The following MACROD2 variants were observed in gnomAD, a reference collection of about 807,000 sequenced individuals.
MACROD2 encodes the protein mono-ADP ribosylhydrolase 2.
Under a neutral mutation model 70.4 loss-of-function variants are expected in MACROD2, and 36 were observed. The observed-to-expected ratio is 0.51, with a 90% CI of 0.39 to 0.68. The LOEUF is 0.68. MACROD2 is among the 30% of genes least tolerant of loss of function. The pLI is 0.00. For synonymous variants in MACROD2, 172 were observed against 178.8 expected, an observed-to-expected ratio of 0.96 and a Z score of 0.30; for missense variants, 496 against 538.4, an observed-to-expected ratio of 0.92 and a Z score of 0.78.
At chr20:15,162,137 T>G (rs1195839855) in intron 5 of MACROD2, among the ~76,000 whole-genome samples, 1 of 152,014 alleles carries the variant, frequency 6.6e-6, no homozygotes, top group Non-Finnish European at 1.5e-5. Flanking sequence ...AGCTGAGTAA[T>G]AACGGACATT....
chr20:14,561,280 A>G (rs971309707), intron 4 of MACROD2, among the ~76,000 whole-genome samples: 1 of 151,924 alleles, frequency 6.6e-6, no homozygotes, highest in African/African-American at 2.4e-5. Context: ...TAACCTGATT[A>G]GAAGACTAAC....
chr20:14,817,491 T>A (rs887532077), intron 5 of MACROD2, among the ~76,000 whole-genome samples: 8 of 152,146 alleles, frequency 5.3e-5, no homozygotes, highest in African/African-American at 1.9e-4. Context: ...AATGAAAAGT[T>A]TATTTAGAAC....
At chr20:15,136,080 G>A (rs2076145337) in intron 5 of MACROD2, among the ~76,000 whole-genome samples, 2 of 146,732 alleles carry the variant, frequency 1.4e-5, no homozygotes, top group Non-Finnish European at 3.0e-5. Flanking sequence ...ACAAATGGAA[G>A]AACATTCCAT....
intron 8 of MACROD2, among the ~76,000 whole-genome samples, chr20:15,799,030 C>A (rs1031197326): frequency 3.9e-5 from 6 of 152,096 alleles, no homozygotes; most frequent in Non-Finnish European, 7.4e-5. Context: ...CCTTTAATTT[C>A]TTTTGTGTGT....
intron 13 of MACROD2, among the ~76,000 whole-genome samples, chr20:15,983,677 C>T (rs1374248845): frequency 6.6e-6 from 1 of 152,186 alleles, no homozygotes; most frequent in African/African-American, 2.4e-5. Flanking sequence ...AAAAGAGCTA[C>T]CACGCAGCCT....
At chr20:15,570,729 C>T (rs1433606785) in intron 8 of MACROD2, among the ~76,000 whole-genome samples, 1 of 152,148 alleles carries the variant, frequency 6.6e-6, no homozygotes, top group African/African-American at 2.4e-5. Context: ...GTATTAGAAT[C>T]CTTTCTTGCA....
chr20:14,944,283 G>T (rs77349641), intron 5 of MACROD2, among the ~76,000 whole-genome samples: 1 of 152,094 alleles, frequency 6.6e-6, no homozygotes, highest in African/African-American at 2.4e-5. Context: ...AAAACTGGGC[G>T]TGCAACCCAG....
At chr20:14,023,545 A>T (rs1162640552) in intron 2 of MACROD2, among the ~76,000 whole-genome samples, 1 of 152,194 alleles carries the variant, frequency 6.6e-6, no homozygotes, top group South Asian at 2.1e-4. Context: ...TCTTACATTT[A>T]AGTCTTTAAT....
chr20:14,917,741 C>T (rs2074110312), intron 5 of MACROD2, among the ~76,000 whole-genome samples: 1 of 152,096 alleles, frequency 6.6e-6, no homozygotes, highest in Admixed American at 6.5e-5. Context: ...AAAGACTGGT[C>T]AATTGCATCT....
chr20:14,267,120 G>A (rs1438251670), intron 3 of MACROD2, among the ~76,000 whole-genome samples: 1 of 152,126 alleles, frequency 6.6e-6, no homozygotes, highest in Non-Finnish European at 1.5e-5. Context: ...AAGGACAAAT[G>A]ATCCAAGAGA....
At chr20:14,717,535 T>G (rs1438851345) in intron 5 of MACROD2, among the ~76,000 whole-genome samples, 4 of 44,982 alleles carry the variant, frequency 8.9e-5, no homozygotes, top group African/African-American at 2.6e-4. Context: ...TTTTATGTAG[T>G]TTTTTTTTTT....
At chr20:15,950,893 C>T (rs1022446495) in intron 12 of MACROD2, among the ~76,000 whole-genome samples, 9 of 152,128 alleles carry the variant, frequency 5.9e-5, no homozygotes, top group South Asian at 2.1e-4. Flanking sequence ...GCGTTTCCCA[C>T]GTTAATTAAC....
intron 5 of MACROD2, among the ~76,000 whole-genome samples, chr20:14,720,745 G>T (rs1374136780): frequency 6.6e-6 from 1 of 150,796 alleles, no homozygotes; most frequent in Non-Finnish European, 1.5e-5. Context: ...GTAGAGACGG[G>T]GTTTCACCAT....
intron 6 of MACROD2, among the ~76,000 whole-genome samples, chr20:15,289,801 A>G (rs369303128): frequency 1.6e-4 from 24 of 152,346 alleles, no homozygotes; most frequent in African/African-American, 5.8e-4. Flanking sequence ...TCACTCACTC[A>G]GCAAATATTC....
At chr20:16,025,105 T>A (rs1568717879) in intron 15 of MACROD2, among the ~76,000 whole-genome samples, 1 of 152,226 alleles carries the variant, frequency 6.6e-6, no homozygotes, top group Non-Finnish European at 1.5e-5. Flanking sequence ...AGGATTAAGG[T>A]GTCTTTGCCT....
At chr20:15,850,188 T>C (rs141733741) in intron 8 of MACROD2, among the ~76,000 whole-genome samples, 1 of 151,044 alleles carries the variant, frequency 6.6e-6, no homozygotes, top group African/African-American at 2.4e-5. Flanking sequence ...GTGAGGAGAG[T>C]TGACACAGAG....
chr20:14,259,095 A>G (rs142087104), intron 3 of MACROD2, among the ~76,000 whole-genome samples: 2,238 of 152,232 alleles, frequency 0.015, 38 homozygotes, highest in Non-Finnish European at 0.023. Flanking sequence ...GCCATGTACC[A>G]CCATGCCCAG....
At chr20:14,968,772 T>C (rs2074662074) in intron 5 of MACROD2, among the ~76,000 whole-genome samples, 1 of 152,278 alleles carries the variant, frequency 6.6e-6, no homozygotes, top group Non-Finnish European at 1.5e-5. Context: ...CTGGATTAGA[T>C]AGCCATCACC....
chr20:15,109,153 C>A (rs764152874), intron 5 of MACROD2, among the ~76,000 whole-genome samples: 20 of 152,082 alleles, frequency 1.3e-4, no homozygotes, highest in Non-Finnish European at 2.2e-4. Context: ...GGTTCACAGT[C>A]AAAAATATTT....
Sources: allele counts gnomAD v4.1 joint callset (sites outside exome capture counted in the v4.1 genomes callset), GRCh38; gene constraint gnomAD v4.1.1; transcripts MANE v1.5; gene names NCBI Gene and HGNC (gene_info 2026-07-23, HGNC 2026-07-21).